LSM14A: variants seen among roughly 807,000 people sequenced by gnomAD.
LSM14A encodes the protein LSM14A mRNA processing body assembly factor, also known as protein LSM14 homolog A.
Under a neutral mutation model 52.4 loss-of-function variants are expected in LSM14A, and 14 were observed. The ratio of observed to expected loss-of-function variants is 0.27; its 90% CI spans 0.18 to 0.42. LSM14A has a LOEUF of 0.42. Among genes scored for constraint, LSM14A ranks in the 10% least tolerant of loss-of-function variants. The pLI, the probability that LSM14A is intolerant of heterozygous loss-of-function variation, is 1.00. For missense variants in LSM14A, 417 were observed against 581.8 expected (o/e 0.72, Z 2.91); for synonymous variants, 185 against 200.3 (o/e 0.92, Z 0.64).
chr19:34,194,409 T>G (rs887740938), intron 1 of LSM14A, 69 bp from the exon 2 acceptor site: 151 of 1,305,090 alleles, frequency 1.2e-4, no homozygotes, highest in Non-Finnish European at 1.5e-4. Flanking sequence ...AATACAACAT[T>G]TAGAATCTGG....
intron 1 of LSM14A, among the ~76,000 whole-genome samples, chr19:34,179,403 G>T (rs1448371652): frequency 6.6e-6 from 1 of 152,080 alleles, no homozygotes; most frequent in African/African-American, 2.4e-5. Flanking sequence ...GCATTACTTG[G>T]GGATCTAAAT....
intron 1 of LSM14A, among the ~76,000 whole-genome samples, chr19:34,184,206 C>G (rs1163327165): frequency 2.0e-5 from 3 of 151,948 alleles, no homozygotes; most frequent in Admixed American, 2.0e-4. Flanking sequence ...CAGGCATGCA[C>G]CACCATGCCA....
intron 3 of LSM14A, among the ~76,000 whole-genome samples, chr19:34,205,875 G>A (rs1372490986): frequency 6.6e-6 from 1 of 151,954 alleles, no homozygotes; most frequent in Admixed American, 6.6e-5. Context: ...TATTTTATAA[G>A]ATTGATAAGT....
intron 3 of LSM14A, chr19:34,208,293 C>T (rs1304232283): frequency 6.6e-6 from 1 of 152,170 alleles, no homozygotes; most frequent in South Asian, 2.1e-4. Flanking sequence ...GGAAAGAGCA[C>T]AGTATATCAA....
intron 8 of LSM14A, among the ~76,000 whole-genome samples, chr19:34,220,225 T>G (rs1182171005): frequency 6.6e-6 from 1 of 152,148 alleles, no homozygotes; most frequent in Admixed American, 6.5e-5. Flanking sequence ...CCCAAAGTAC[T>G]AGGATTACAG....
chr19:34,182,729 A>G (rs190731769), intron 1 of LSM14A, among the ~76,000 whole-genome samples: 28 of 149,066 alleles, frequency 1.9e-4, no homozygotes, highest in Admixed American at 1.5e-3. Context: ...CTGTAGTCCC[A>G]GCTCTTAGGG....
intron 3 of LSM14A, among the ~76,000 whole-genome samples, chr19:34,202,581 A>G (rs1292180850): frequency 6.6e-6 from 1 of 152,166 alleles, no homozygotes; most frequent in Non-Finnish European, 1.5e-5. Context: ...AGTTTGGCAA[A>G]AACTCAAAAG....
chr19:34,218,536 G>T (rs2072840900), intron 6 of LSM14A, among the ~76,000 whole-genome samples: 3 of 152,174 alleles, frequency 2.0e-5, no homozygotes, highest in Admixed American at 6.5e-5. Context: ...ATCCTTGTCA[G>T]TATGTGTGGA....
At chr19:34,187,196 A>G (rs1268313193) in intron 1 of LSM14A, among the ~76,000 whole-genome samples, 1 of 151,134 alleles carries the variant, frequency 6.6e-6, no homozygotes, top group African/African-American at 2.4e-5. Flanking sequence ...TTGCGGTGAG[A>G]CGAGATCGCG....
chr19:34,202,633 A>G (rs1039673409), intron 3 of LSM14A, among the ~76,000 whole-genome samples: 13 of 152,170 alleles, frequency 8.5e-5, no homozygotes, highest in African/African-American at 3.1e-4. Context: ...TGAAGAATAT[A>G]TACTCTCATA....
In LSM14A at chr19:34,194,649, A is replaced by G; in HGVS notation, c.285+8A>G. 6.2e-7 allele frequency: 1 copy of G among 1,613,934 alleles called. No homozygotes were observed. Among genetic ancestry groups the G allele is most frequent in the Non-Finnish European group, 8.5e-7 (1 of 1,179,878 alleles). ...GACCCAGCTATTGTTCAGGTAACTG[A>G]TGGTAAATTTGTCTTGGAGTACAGG... On this transcript the variant is annotated splice_region_variant and intron_variant, in intron 2 of 9. Coordinates refer to ENST00000544216, the MANE Select transcript of LSM14A (RefSeq NM_015578.4).
chr19:34,178,531 A>G (rs2069241302), intron 1 of LSM14A, among the ~76,000 whole-genome samples: 1 of 152,188 alleles, frequency 6.6e-6, no homozygotes, highest in Non-Finnish European at 1.5e-5. Context: ...TCTTCTCAGC[A>G]CTGATCATGA....
chr19:34,207,455 G>T (rs1247619674), intron 3 of LSM14A, among the ~76,000 whole-genome samples: 1 of 152,084 alleles, frequency 6.6e-6, no homozygotes, highest in East Asian at 1.9e-4. Flanking sequence ...TGGAGCTGCA[G>T]CCAGACTGGA....
chr19:34,196,569 ATT>A, intron 2 of LSM14A, 63 bp from the exon 3 acceptor site: 4 of 1,390,230 alleles, frequency 2.9e-6, no homozygotes, highest in South Asian at 3.0e-5. Context: ...AAAATCTGGA[ATT>A]TTTTTTTTCG....
chr19:34,172,524 C>T lies in LSM14A; in HGVS notation c.-119C>T. 1 of 1,166,626 alleles carries T rather than the reference C, an allele frequency of 8.6e-7. No individual in the cohort carries two copies. The highest frequency in any genetic ancestry group is 1.1e-6 in the Non-Finnish European group (1 of 908,502). The allele number at this position is 1,166,626 out of a possible 1,614,324, so 72.3% of individuals were successfully genotyped here. A position where few individuals can be genotyped will look rare whatever the true frequency, so the allele number is the denominator to read the frequency against. On this transcript the variant is annotated 5_prime_UTR_variant, in exon 1 of 10. Transcript: ENST00000544216. ...AGGGTAGCGGAGCCGGCGCCGCCGCCATGTTGGGTCTGAAGCGGCTGCTGT... is the reference window on the plus strand; with the variant it reads ...AGGGTAGCGGAGCCGGCGCCGCCGCTATGTTGGGTCTGAAGCGGCTGCTGT...
At chr19:34,193,424 G>C (rs982305311) in intron 1 of LSM14A, among the ~76,000 whole-genome samples, 1 of 152,148 alleles carries the variant, frequency 6.6e-6, no homozygotes, top group Non-Finnish European at 1.5e-5. Context: ...GCCTCCCATA[G>C]TGCTGGGATT....
chr19:34,191,492 T>C (rs1364496000), intron 1 of LSM14A, among the ~76,000 whole-genome samples: 1 of 151,932 alleles, frequency 6.6e-6, no homozygotes, highest in East Asian at 1.9e-4. Flanking sequence ...TTTTCTTTCC[T>C]TCCATCATTG....
chr19:34,192,621 C>A, intron 1 of LSM14A, among the ~76,000 whole-genome samples: 1 of 104,984 alleles, frequency 9.5e-6, no homozygotes, highest in African/African-American at 3.8e-5. Context: ...TGAGGCGCTG[C>A]ATCAGTTCTG....
At chr19:34,226,936 T>C (rs1353838496) in intron 9 of LSM14A, among the ~76,000 whole-genome samples, 1 of 152,252 alleles carries the variant, frequency 6.6e-6, no homozygotes, top group Non-Finnish European at 1.5e-5. Flanking sequence ...AGAAATGTTA[T>C]ACTGACTGGG....
Sources: allele counts gnomAD v4.1 joint callset (sites outside exome capture counted in the v4.1 genomes callset), GRCh38; gene constraint gnomAD v4.1.1; transcripts MANE v1.5; gene names NCBI Gene and HGNC (gene_info 2026-07-23, HGNC 2026-07-21).